Variants in DPP10 observed in about 807,000 individuals in gnomAD.
The protein encoded by DPP10 is inactive dipeptidyl peptidase 10.
DPP10 carries 33 observed loss-of-function variants against 120.9 expected under a neutral mutation model. The ratio of observed to expected loss-of-function variants is 0.27; its 90% CI spans 0.21 to 0.37. The LOEUF (loss-of-function observed/expected upper bound fraction) is 0.37. DPP10 is among the 10% of genes least tolerant of loss of function. The probability of loss-of-function intolerance (pLI) is 1.00; values close to 1 mark genes in which losing one functional copy is unlikely to be tolerated. For missense variants in DPP10, 816 were observed against 942.8 expected, an observed-to-expected ratio of 0.87 and a Z score of 1.76; for synonymous variants, 337 against 326.1, an observed-to-expected ratio of 1.03 and a Z score of -0.36.
intron 1 of DPP10, among the ~76,000 whole-genome samples, chr2:115,280,413 C>T (rs1340042511): frequency 6.6e-6 from 1 of 152,140 alleles, no homozygotes; most frequent in African/African-American, 2.4e-5. Context: ...CCCAAAGCTG[C>T]ACTCCGGAAT....
intron 5 of DPP10, among the ~76,000 whole-genome samples, chr2:115,675,653 C>A (rs1463682015): frequency 6.6e-6 from 1 of 152,172 alleles, no homozygotes; most frequent in African/African-American, 2.4e-5. Context: ...ACAACAGATA[C>A]CTGCAATTCT....
chr2:115,165,201 C>A (rs540870712), intron 1 of DPP10, among the ~76,000 whole-genome samples: 3 of 152,112 alleles, frequency 2.0e-5, no homozygotes, highest in Non-Finnish European at 4.4e-5. Context: ...AGTAACATTT[C>A]TTGAATGTAT....
chr2:114,729,591 A>G (rs969561160), intron 1 of DPP10, among the ~76,000 whole-genome samples: 22 of 152,196 alleles, frequency 1.4e-4, no homozygotes, highest in African/African-American at 2.7e-4. Context: ...TTTGTCAGCA[A>G]TACTAGTTTT....
chr2:114,448,727 C>A (rs1435036898), intron 1 of DPP10, among the ~76,000 whole-genome samples: 1 of 152,160 alleles, frequency 6.6e-6, no homozygotes, highest in Non-Finnish European at 1.5e-5. Context: ...GAGGTCTAAA[C>A]AGCTTCAGAA....
At chr2:115,282,877 A>G (rs770853576) in intron 1 of DPP10, among the ~76,000 whole-genome samples, 7 of 152,040 alleles carry the variant, frequency 4.6e-5, no homozygotes, top group African/African-American at 7.2e-5. Flanking sequence ...TTGAATAGCA[A>G]TATCTTAGCT....
intron 1 of DPP10, among the ~76,000 whole-genome samples, chr2:115,134,727 G>A (rs1317641246): frequency 2.6e-5 from 4 of 151,992 alleles, no homozygotes; most frequent in Non-Finnish European, 4.4e-5. Context: ...AGGGGTAAGT[G>A]CATTTGTAGA....
chr2:115,221,754 G>GTTTTTTTTTTTTTTTTTTT (rs56077672), intron 1 of DPP10, among the ~76,000 whole-genome samples: 17 of 120,142 alleles, frequency 1.4e-4, no homozygotes, highest in Non-Finnish European at 2.0e-4. Context: ...GTTTGTTTCT[G>GTTTTTTTTTTTTTTTTTTT]TTTTTTTTTT....
chr2:115,085,374 C>A (rs1271640099), intron 1 of DPP10, among the ~76,000 whole-genome samples: 1 of 151,994 alleles, frequency 6.6e-6, no homozygotes, highest in Admixed American at 6.6e-5. Context: ...GGAAACCTAC[C>A]TTTGCTGGAG....
intron 4 of DPP10, among the ~76,000 whole-genome samples, chr2:115,507,450 G>T (rs927346796): frequency 6.6e-6 from 1 of 152,114 alleles, no homozygotes; most frequent in East Asian, 1.9e-4. Context: ...CATAGGGTGA[G>T]GTCTAGAGAA....
intron 1 of DPP10, among the ~76,000 whole-genome samples, chr2:114,607,164 T>C (rs919208892): frequency 1.3e-5 from 2 of 152,206 alleles, no homozygotes; most frequent in South Asian, 2.1e-4. Context: ...GGGTTCTCAC[T>C]GGCTTTTATA....
intron 1 of DPP10, among the ~76,000 whole-genome samples, chr2:114,867,411 G>A (rs1421089579): frequency 6.6e-6 from 1 of 152,038 alleles, no homozygotes; most frequent in African/African-American, 2.4e-5. Context: ...ATCTTCCTAA[G>A]TCCCTTCTTT....
intron 1 of DPP10, among the ~76,000 whole-genome samples, chr2:115,284,124 T>C (rs2060270252): frequency 6.6e-6 from 1 of 152,028 alleles, no homozygotes; most frequent in African/African-American, 2.4e-5. Flanking sequence ...CTCCATAATA[T>C]CAAACTCTTA....
chr2:115,664,999 G>A (rs2089332655), intron 5 of DPP10, among the ~76,000 whole-genome samples: 1 of 152,138 alleles, frequency 6.6e-6, no homozygotes, highest in Non-Finnish European at 1.5e-5. Context: ...AGCACACACT[G>A]AACATTTATA....
chr2:115,727,214 G>A (rs1342236851), intron 7 of DPP10, among the ~76,000 whole-genome samples: 2 of 152,058 alleles, frequency 1.3e-5, no homozygotes, highest in Non-Finnish European at 2.9e-5. Flanking sequence ...CAGTTATAAG[G>A]TTATTATTAT....
intron 1 of DPP10, among the ~76,000 whole-genome samples, chr2:114,670,309 A>G (rs1332888392): frequency 6.6e-6 from 1 of 152,250 alleles, no homozygotes; most frequent in East Asian, 1.9e-4. Context: ...GACTGGATTA[A>G]GAAAATGTGG....
chr2:114,722,927 G>GA (rs958906922), intron 1 of DPP10, among the ~76,000 whole-genome samples: 2 of 151,508 alleles, frequency 1.3e-5, no homozygotes, highest in Admixed American at 6.6e-5. Flanking sequence ...AACTGGGTAA[G>GA]AAAAAAAAAT....
intron 5 of DPP10, among the ~76,000 whole-genome samples, chr2:115,684,397 A>G (rs2090853811): frequency 6.6e-6 from 1 of 151,808 alleles, no homozygotes; most frequent in African/African-American, 2.4e-5. Context: ...ATTATCCTAG[A>G]ACAAACTTGG....
intron 2 of DPP10, among the ~76,000 whole-genome samples, chr2:115,335,693 G>C (rs973248393): frequency 3.3e-5 from 5 of 152,048 alleles, no homozygotes; most frequent in African/African-American, 4.8e-5. Context: ...GCATTCTGTA[G>C]TTTCATCTAG....
At chr2:115,447,610 AGTTC>A (rs1484058903) in intron 3 of DPP10, among the ~76,000 whole-genome samples, 2 of 152,092 alleles carry the variant, frequency 1.3e-5, no homozygotes, top group African/African-American at 4.8e-5. Context: ...ATAGTGAGAG[AGTTC>A]TCATAGGATC....
Sources: gnomAD v4.1 joint callset for allele counts (sites outside exome capture counted in the v4.1 genomes callset) on GRCh38, gnomAD v4.1.1 for gene constraint, MANE v1.5 for transcripts, NCBI Gene and HGNC (gene_info 2026-07-23, HGNC 2026-07-21) for gene names.